KCTD1: variants seen among roughly 807,000 people sequenced by gnomAD.
KCTD1 encodes the protein potassium channel tetramerization domain containing 1, also known as BTB/POZ domain-containing protein KCTD1.
A neutral mutation model predicts 66.0 loss-of-function variants in KCTD1; 24 were observed. That is an observed-to-expected ratio of 0.36 (90% confidence interval 0.26 to 0.51). The LOEUF is 0.51. KCTD1 is among the 20% of genes least tolerant of loss of function. KCTD1 has a pLI of 0.95. For missense variants in KCTD1, 943 were observed against 1,205.2 expected, an observed-to-expected ratio of 0.78 and a Z score of 3.22; for synonymous variants, 511 against 517.2, an observed-to-expected ratio of 0.99 and a Z score of 0.16.
chr18:26,629,433 G>A (rs1391489919), upstream of KCTD1, among the ~76,000 whole-genome samples: 2 of 152,338 alleles, frequency 1.3e-5, no homozygotes, highest in Non-Finnish European at 2.9e-5. Context: ...GGTAGGCAGA[G>A]CCAGAAGTTT....
chr18:26,484,975 C>T (rs138891741), intron 2 of KCTD1, among the ~76,000 whole-genome samples: 289 of 152,244 alleles, frequency 1.9e-3, no homozygotes, highest in African/African-American at 5.4e-3. Flanking sequence ...TTGACCTGAG[C>T]GGGGTAGATA....
chr18:26,613,799 C>G (rs1412407903), intron 1 of KCTD1, among the ~76,000 whole-genome samples: 1 of 152,182 alleles, frequency 6.6e-6, no homozygotes, highest in African/African-American at 2.4e-5. Flanking sequence ...TAATTTCATA[C>G]ATTTATTCAT....
intron 1 of KCTD1, among the ~76,000 whole-genome samples, chr18:26,625,199 T>TA (rs933955223): frequency 1.1e-4 from 16 of 152,322 alleles, no homozygotes; most frequent in Middle Eastern, 3.4e-3. Context: ...GACTTTGGGT[T>TA]AATGCTGGAA....
At chr18:26,607,917 A>T (rs1313748311) in intron 1 of KCTD1, among the ~76,000 whole-genome samples, 2 of 152,160 alleles carry the variant, frequency 1.3e-5, no homozygotes, top group East Asian at 3.9e-4. Context: ...ACAGGTGTGC[A>T]CCACCATACC....
chr18:26,548,431 G>GCTCGCC lies in KCTD1; in HGVS notation c.100_105dup (p.Gly34_Glu35dup), dbSNP rs1985379082. 11 of 1,415,366 alleles carry GCTCGCC rather than the reference G, an allele frequency of 7.8e-6. No homozygotes were observed. In the South Asian group the frequency reaches 9.0e-5, roughly 12 times the overall value. 87.7% of individuals were successfully genotyped at this position (1,415,366 alleles called of 1,614,324 possible). ...CGGCGGCCGCGGCCCCCCGCGCCGC[G>GCTCGCC]CTCGCCCTCGCCCCGCTCCCCATTG... On this transcript the variant is annotated inframe_insertion, in exon 1 of 5. Coordinates refer to ENST00000580059, the MANE Select transcript of KCTD1 (RefSeq NM_001142730.3).
Position 26,547,855 on chromosome 18 carries a change from G to T in KCTD1, c.682C>A (p.Leu228Ile). 1 of 1,542,110 alleles carries T rather than the reference G, an allele frequency of 6.5e-7. No homozygotes were observed. ...KSGQLYSKSSLISIRSSLNRY... is the reference protein window; with the variant it reads ...KSGQLYSKSSIISIRSSLNRY... The stretch of plus-strand genomic sequence containing the variant: ...TTGAGGGAGCTGCGGATGCTGATGA[G>T]CGACGACTTGCTGTAGAGCTGGCCG... Residue 228 changes from leucine (L) to isoleucine (I), a missense_variant, in exon 1 of 5, where the codon CTC (leucine) becomes ATC (isoleucine). Leu to Ile is a conservative substitution (Grantham distance 5). Transcript: ENST00000580059.
chr18:26,512,554 A>G (rs138530325), intron 1 of KCTD1, among the ~76,000 whole-genome samples: 274 of 152,292 alleles, frequency 1.8e-3, no homozygotes, highest in African/African-American at 6.4e-3. Flanking sequence ...TATTTAGAAA[A>G]TGTTGGCTGG....
intron 1 of KCTD1, among the ~76,000 whole-genome samples, chr18:26,564,778 A>G (rs2144884709): frequency 6.6e-6 from 1 of 152,078 alleles, no homozygotes; most frequent in South Asian, 2.1e-4. Flanking sequence ...AATTCCAGCT[A>G]TTCGGGAGGC....
At chr18:26,572,697 C>T (rs1177911617) in intron 1 of KCTD1, among the ~76,000 whole-genome samples, 1 of 152,170 alleles carries the variant, frequency 6.6e-6, no homozygotes, top group Non-Finnish European at 1.5e-5. Context: ...GCCAAACATT[C>T]CAACAATTAT....
chr18:26,632,141 T>G (rs1268007381), upstream of KCTD1, among the ~76,000 whole-genome samples: 1 of 140,060 alleles, frequency 7.1e-6, no homozygotes, highest in Admixed American at 7.1e-5. Context: ...TCCCCGCACT[T>G]TGGGAGGCCG....
At chr18:26,602,165 T>C (rs745539760) in intron 1 of KCTD1, among the ~76,000 whole-genome samples, 6 of 152,158 alleles carry the variant, frequency 3.9e-5, no homozygotes, top group Admixed American at 1.3e-4. Flanking sequence ...AGTTATTTAG[T>C]GGTTTTATCA....
chr18:26,641,804 C>T (rs915277433), upstream of KCTD1, among the ~76,000 whole-genome samples: 4 of 152,134 alleles, frequency 2.6e-5, no homozygotes, highest in Admixed American at 2.0e-4. Flanking sequence ...TATCAGATCT[C>T]GAGATGAGCT....
intron 1 of KCTD1, among the ~76,000 whole-genome samples, chr18:26,539,969 T>A (rs185019399): frequency 3.0e-4 from 46 of 152,290 alleles, no homozygotes; most frequent in African/African-American, 1.1e-3. Flanking sequence ...TGTACAAATA[T>A]GAAATTCAAT....
chr18:26,593,330 G>GGAA (rs1165595269), intron 1 of KCTD1, among the ~76,000 whole-genome samples: 7 of 118,124 alleles, frequency 5.9e-5, no homozygotes, highest in South Asian at 2.7e-4. Context: ...AGGAAGAGGA[G>GGAA]GAGGAAGAGG....
intron 1 of KCTD1, among the ~76,000 whole-genome samples, chr18:26,625,507 C>T (rs1379658830): frequency 1.3e-5 from 2 of 152,128 alleles, no homozygotes; most frequent in Non-Finnish European, 1.5e-5. Flanking sequence ...CTTCCTGCCA[C>T]CATGTGGAGA....
intron 1 of KCTD1, among the ~76,000 whole-genome samples, chr18:26,571,685 T>C (rs75094278): frequency 0.05 from 7,541 of 152,266 alleles, 296 homozygotes; most frequent in East Asian, 0.19. Flanking sequence ...AATCTAAGAA[T>C]GTGGAACTTA....
At chr18:26,629,425 T>C (rs1049318540), upstream of KCTD1, among the ~76,000 whole-genome samples, 4 of 152,186 alleles carry the variant, frequency 2.6e-5, no homozygotes, top group African/African-American at 9.7e-5. Context: ...GCAGAAGAGG[T>C]AGGCAGAGCC....
chr18:26,538,515 GC>G (rs1399297471), intron 1 of KCTD1, among the ~76,000 whole-genome samples: 2 of 152,246 alleles, frequency 1.3e-5, no homozygotes, highest in African/African-American at 4.8e-5. Flanking sequence ...GTCTATGGAT[GC>G]CCCAAAAGAA....
chr18:26,654,662 C>T (rs1329466179), intron 1 of KCTD1, among the ~76,000 whole-genome samples: 1 of 152,134 alleles, frequency 6.6e-6, no homozygotes. Flanking sequence ...ATCTTTCACC[C>T]TCAATTCATT....
Sources: gnomAD v4.1 joint callset for allele counts (sites outside exome capture counted in the v4.1 genomes callset) on GRCh38, gnomAD v4.1.1 for gene constraint, MANE v1.5 for transcripts, NCBI Gene and HGNC (gene_info 2026-07-23, HGNC 2026-07-21) for gene names.